MRPS18C: variants seen among roughly 807,000 people sequenced by gnomAD.
The protein encoded by MRPS18C is small ribosomal subunit protein bS18m.
A neutral mutation model predicts 21.0 loss-of-function variants in MRPS18C; 21 were observed. The ratio of observed to expected loss-of-function variants is 1.00; its 90% CI spans 0.71 to 1.44. The LOEUF is 1.44. Among genes scored for constraint, MRPS18C ranks in the 40% most tolerant of loss-of-function variants. The probability of loss-of-function intolerance (pLI) is 0.00; values close to 1 mark genes in which losing one functional copy is unlikely to be tolerated. For missense variants in MRPS18C, 152 were observed against 171.5 expected, an observed-to-expected ratio of 0.89 and a Z score of 0.64; for synonymous variants, 65 against 54.3, an observed-to-expected ratio of 1.20 and a Z score of -0.87.
chr4:83,456,986 G>A, intron 2 of MRPS18C, 28 bp downstream of exon 2: 3 of 1,598,602 alleles, frequency 1.9e-6, no homozygotes, highest in Non-Finnish European at 2.6e-6. Context: ...TATTAGTAAG[G>A]CCTTTGCAAA....
At chr4:83,456,285 T>G in intron 1 of MRPS18C, 108 bp downstream of exon 1, 2 of 983,144 alleles carry the variant, frequency 2.0e-6, no homozygotes, top group East Asian at 4.9e-5. Flanking sequence ...TCTAGGCGAT[T>G]AAGTTTCTCC....
chr4:83,458,332 G>GT lies in MRPS18C; in HGVS notation c.151-7dup, dbSNP rs752046899. The GT allele has an allele frequency of 1.2e-5, 18 of 1,554,530 alleles. No homozygotes were observed. The highest frequency in any genetic ancestry group is 1.7e-5 in the Admixed American group (1 of 57,524). On this transcript the variant is annotated splice_polypyrimidine_tract_variant and intron_variant, in intron 2 of 5. Transcript: ENST00000295491. ...AACACATCCTATTATCAGACTTTTCGTTTTTTTCCCTAGCCCATTTCAATG... is the reference window on the plus strand; with the variant it reads ...AACACATCCTATTATCAGACTTTTCGTTTTTTTTCCCTAGCCCATTTCAATG...
chr4:83,458,176 A>G (rs1228491394), intron 2 of MRPS18C, 170 bp from the exon 3 acceptor site: 1 of 519,184 alleles, frequency 1.9e-6, no homozygotes, highest in Non-Finnish European at 3.3e-6. Flanking sequence ...GAATCTTCCC[A>G]TGCGTTAATC....
Position 83,456,195 on chromosome 4 carries a change from T to C in MRPS18C, c.100+18T>C, listed in dbSNP as rs749977196. On this transcript the variant is annotated intron_variant, in intron 1 of 5. Coordinates refer to ENST00000295491, the MANE Select transcript of MRPS18C (RefSeq NM_016067.4). ...TCACACGGGTAAAGTCTCCATATCCTATGCTCCATTGTAGCGCTGCAGGCA... is the reference window on the plus strand; with the variant it reads ...TCACACGGGTAAAGTCTCCATATCCCATGCTCCATTGTAGCGCTGCAGGCA... 1 of 1,605,410 alleles carries C rather than the reference T, an allele frequency of 6.2e-7. No individual in the cohort carries two copies. Among genetic ancestry groups the C allele is most frequent in the South Asian group, 1.1e-5 (1 of 90,884 alleles).
chr4:83,461,370 C>A lies in MRPS18C; in HGVS notation c.*173C>A. 1 of 583,592 alleles carries A rather than the reference C, an allele frequency of 1.7e-6. No homozygotes were observed. The highest frequency in any genetic ancestry group is 2.0e-5 in the South Asian group (1 of 50,192). The allele number at this position is 583,592 out of a possible 1,614,324, so 36.2% of individuals were successfully genotyped here. A position where few individuals can be genotyped will look rare whatever the true frequency, so the allele number is the denominator to read the frequency against. ...AGATTGCTTATTTAAAATGTTAACA[C>A]TCATCACATTTTATCTATGTTGAAT... On this transcript the variant is annotated 3_prime_UTR_variant, in exon 6 of 6. Coordinates refer to ENST00000295491, the MANE Select transcript of MRPS18C (RefSeq NM_016067.4).
intron 1 of MRPS18C, 24 bp from the exon 2 acceptor site, chr4:83,456,885 A>T: frequency 6.2e-7 from 1 of 1,608,570 alleles, no homozygotes; most frequent in Non-Finnish European, 8.5e-7. Flanking sequence ...GAAATGGTTA[A>T]TTGCTGTTTC....
rs780022197 is a variant in MRPS18C, at chr4:83,456,960, T to A, written c.150+2T>A. ...CAGGTATCCAGCAATGAGGACCTGG[T>A]AAGAATTTTTTTTTCTATTAGTAAG... On this transcript the variant is annotated splice_donor_variant, in intron 2 of 5. Transcript: ENST00000295491. LOFTEE classifies it high-confidence loss of function. The A allele has an allele frequency of 1.2e-6, 2 of 1,611,284 alleles. No individual in the cohort carries two copies. The highest frequency in any genetic ancestry group is 2.7e-5 in the African/African-American group (2 of 74,834).
intron 2 of MRPS18C, 65 bp downstream of exon 2, chr4:83,457,023 A>G: frequency 1.4e-6 from 2 of 1,389,168 alleles, no homozygotes; most frequent in Admixed American, 1.8e-5. Flanking sequence ...TTCTTTTTAA[A>G]ACGAGATCTG....
chr4:83,456,215 C>A, intron 1 of MRPS18C, 38 bp downstream of exon 1: 1 of 1,564,870 alleles, frequency 6.4e-7, no homozygotes, highest in Non-Finnish European at 8.8e-7. Context: ...TGTAGCGCTG[C>A]AGGCATTAAC....
At chr4:83,458,782 ATTAC>A in intron 3 of MRPS18C, 1 of 179,282 alleles carries the variant, frequency 5.6e-6, no homozygotes, top group South Asian at 1.3e-4. Flanking sequence ...TGATTCACAT[ATTAC>A]TTATCTCTTG....
chr4:83,456,750 C>A (rs544097247), intron 1 of MRPS18C, among the ~76,000 whole-genome samples, 159 bp from the exon 2 acceptor site: 4 of 152,306 alleles, frequency 2.6e-5, no homozygotes, highest in African/African-American at 9.6e-5. Context: ...GAGTCTTACT[C>A]TGTCCCAAAT....
rs1331153475 is a variant in MRPS18C, at chr4:83,461,579, CAGA to C, written c.*385_*387del. 6.4e-5 allele frequency: 19 copies of C among 295,664 alleles called. No individual in the cohort carries two copies. The South Asian group carries it at 1.1e-3, about 18-fold the overall frequency. 18.3% of individuals were successfully genotyped at this position (295,664 alleles called of 1,614,324 possible). ...ATTGGGATGGATAGTGGTGCTGTCA[CAGA>C]AGGACAAAATATTCCTAGACGAGTC... On this transcript the variant is annotated 3_prime_UTR_variant, in exon 6 of 6. Transcript: ENST00000295491.
At chr4:83,457,881 G>C (rs944559252) in intron 2 of MRPS18C, 1 of 171,450 alleles carries the variant, frequency 5.8e-6, no homozygotes, top group African/African-American at 2.4e-5. Context: ...TTATATAGTA[G>C]CCTGGGGTGA....
intron 1 of MRPS18C, 23 bp from the exon 2 acceptor site, chr4:83,456,886 T>C (rs761708550): frequency 7.5e-6 from 12 of 1,609,148 alleles, no homozygotes; most frequent in Non-Finnish European, 1.0e-5. Flanking sequence ...AAATGGTTAA[T>C]TGCTGTTTCT....
In MRPS18C at chr4:83,461,462, A is replaced by G. The variant is rs1170399941; in HGVS notation, c.*265A>G. 2.4e-6 allele frequency: 1 copy of G among 410,818 alleles called. No individual in the cohort carries two copies. Among genetic ancestry groups the G allele is most frequent in the African/African-American group, 2.0e-5 (1 of 50,974 alleles). 25.4% of individuals were successfully genotyped at this position (410,818 alleles called of 1,614,324 possible). ...AATAGCTCATACAATAATCCATTCAATAGAATGGAATTAAAACTGTTCAGA... is the reference window on the plus strand; with the variant it reads ...AATAGCTCATACAATAATCCATTCAGTAGAATGGAATTAAAACTGTTCAGA... On this transcript the variant is annotated 3_prime_UTR_variant, in exon 6 of 6. Coordinates refer to ENST00000295491, the MANE Select transcript of MRPS18C (RefSeq NM_016067.4).
chr4:83,462,100 C>T lies in MRPS18C; in HGVS notation c.*903C>T. On this transcript the variant is annotated 3_prime_UTR_variant, in exon 6 of 6. Transcript: ENST00000295491. ...AATAGACATGGTCTCAATACGTTGC[C>T]CAGGCTGGTCTCTAACTCCTAACTT... 1 of 241,864 alleles carries T rather than the reference C, an allele frequency of 4.1e-6. No individual in the cohort carries two copies. The highest frequency in any genetic ancestry group is 8.0e-6 in the Non-Finnish European group (1 of 124,850). The allele number at this position is 241,864 out of a possible 1,614,324, so 15.0% of individuals were successfully genotyped here.
intron 1 of MRPS18C, among the ~76,000 whole-genome samples, chr4:83,456,602 T>G (rs557791945): frequency 6.6e-6 from 1 of 152,356 alleles, no homozygotes; most frequent in African/African-American, 2.4e-5. Context: ...AGTGCCTTTC[T>G]GTTGCTTCTC....
In MRPS18C at chr4:83,456,114, A is replaced by C; in HGVS notation, c.37A>C (p.Arg13=). The C allele has an allele frequency of 6.2e-7, 1 of 1,613,100 alleles. No individual in the cohort carries two copies. Among genetic ancestry groups the C allele is most frequent in the East Asian group, 2.2e-5 (1 of 44,864 alleles). ...GGTTGCTGTTTGCGGTGGTCTAGGG[A>C]GGAAGAAGTTGACACACTTGGTAAC... is the stretch of plus-strand genomic sequence containing the variant. ...AVVAVCGGLG[R]KKLTHLVTAA... The change falls in exon 1 of 6, where the codon AGG becomes CGG. Residue 13 remains arginine, a synonymous_variant. Transcript: ENST00000295491.
Position 83,456,130 on chromosome 4 carries a change from A to G in MRPS18C, c.53A>G (p.His18Arg). 1.9e-6 allele frequency: 3 copies of G among 1,613,406 alleles called. No individual in the cohort carries two copies. The East Asian group carries it at 6.7e-5, about 36-fold the overall frequency. The change falls in exon 1 of 6, where the codon CAC becomes CGC. Residue 18 changes from histidine to arginine, a missense_variant. Transcript: ENST00000295491. ...CGGLGRKKLT[H>R]LVTAAVSLTH... ...GGTCTAGGGAGGAAGAAGTTGACACACTTGGTAACGGCTGCTGTCAGCCTT... is the reference window on the plus strand; with the variant it reads ...GGTCTAGGGAGGAAGAAGTTGACACGCTTGGTAACGGCTGCTGTCAGCCTT...
Sources: allele counts gnomAD v4.1 joint callset (sites outside exome capture counted in the v4.1 genomes callset), GRCh38; gene constraint gnomAD v4.1.1; transcripts MANE v1.5; gene names NCBI Gene and HGNC (gene_info 2026-07-23, HGNC 2026-07-21).